The following MCM9 variants were observed in gnomAD, a reference collection of about 807,000 sequenced individuals.
MCM9 encodes the protein DNA helicase MCM9.
MCM9 carries 55 observed loss-of-function variants against 72.8 expected under a neutral mutation model. The ratio of observed to expected loss-of-function variants is 0.76; its 90% CI spans 0.61 to 0.95. The LOEUF (loss-of-function observed/expected upper bound fraction) is 0.95, where lower values mean the gene tolerates loss of function less well. Among genes scored for constraint, MCM9 ranks in the 40% least tolerant of loss-of-function variants. The pLI is 0.00. For synonymous variants in MCM9, 480 were observed against 503.4 expected, an observed-to-expected ratio of 0.95 and a Z score of 0.62; for missense variants, 1,279 against 1,377.0, an observed-to-expected ratio of 0.93 and a Z score of 1.13.
intron 8 of MCM9, chr6:118,907,616 C>T: frequency 6.2e-7 from 1 of 1,602,150 alleles, no homozygotes; most frequent in Non-Finnish European, 8.6e-7. Flanking sequence ...TGCATGTGAC[C>T]ACCTACCATC....
At chr6:118,926,325 T>C (rs1781891900) in intron 3 of MCM9, among the ~76,000 whole-genome samples, 1 of 152,228 alleles carries the variant, frequency 6.6e-6, no homozygotes, top group Admixed American at 6.5e-5. Context: ...AATACTAACA[T>C]TAGCCTACAG....
intron 9 of MCM9, among the ~76,000 whole-genome samples, chr6:118,843,265 A>T (rs1775517712): frequency 6.6e-6 from 1 of 151,954 alleles, no homozygotes; most frequent in South Asian, 2.1e-4. Context: ...GTTAAATGAG[A>T]CACTTAAGTG....
At chr6:118,849,415 AT>A (rs1345515240) in intron 9 of MCM9, among the ~76,000 whole-genome samples, 1 of 150,740 alleles carries the variant, frequency 6.6e-6, no homozygotes, top group Admixed American at 6.6e-5. Context: ...AAATAACATC[AT>A]TTATAAGGTA....
Position 118,847,572 on chromosome 6 carries a change from GA to G in MCM9, c.1325+8798del, listed in dbSNP as rs1347877702. Among the ~76,000 whole-genome samples, 3 of 149,690 alleles carry G rather than the reference GA, an allele frequency of 2.0e-5. No individual in the cohort carries two copies. In the East Asian group the frequency reaches 5.8e-4, roughly 29 times the overall value. On this transcript the variant is annotated intron_variant, in intron 9 of 13. Transcript: ENST00000619706. ...AATACAGATGAGCTAAGAAGTTTAA[GA>G]AAAAAAAATGGTTGCTGCAGAGCCT...
At position 118,868,657 on chromosome 6, in the gene MCM9, A is replaced by G. The variant is rs892709620; in HGVS notation, c.1151-12112T>C. 3.3e-5 allele frequency among the ~76,000 whole-genome samples: 5 copies of G among 152,254 alleles called. No homozygotes were observed. In the East Asian group the frequency reaches 9.6e-4, roughly 29 times the overall value. Reference sequence around the variant, plus strand: ...AGACATCTATGCAGCCAACAGATACATGAAAAAATGCTCATCATCACTGGT... The same window carrying G: ...AGACATCTATGCAGCCAACAGATACGTGAAAAAATGCTCATCATCACTGGT... On this transcript the variant is annotated intron_variant, in intron 8 of 13. Transcript: ENST00000619706.
chr6:118,919,091 G>C (rs1222578727), intron 5 of MCM9: 1 of 152,102 alleles, frequency 6.6e-6, no homozygotes, highest in African/African-American at 2.4e-5. Context: ...AATGATTGGG[G>C]GCAACTTTAC....
chr6:118,858,086 T>TA (rs1384561311), intron 8 of MCM9, among the ~76,000 whole-genome samples: 1 of 152,190 alleles, frequency 6.6e-6, no homozygotes, highest in Non-Finnish European at 1.5e-5. Context: ...TATAGACTAG[T>TA]ACCTCTAATA....
chr6:118,880,032 A>G (rs1383128663), intron 8 of MCM9, among the ~76,000 whole-genome samples: 1 of 150,976 alleles, frequency 6.6e-6, no homozygotes, highest in Non-Finnish European at 1.5e-5. Flanking sequence ...AGTGCACAAA[A>G]CAAACAAACA....
At chr6:118,888,161 G>A (rs1019273621) in intron 8 of MCM9, among the ~76,000 whole-genome samples, 2 of 152,070 alleles carry the variant, frequency 1.3e-5, no homozygotes, top group African/African-American at 2.4e-5. Context: ...TAGAATGCTG[G>A]TGGGAATGTA....
intron 8 of MCM9, among the ~76,000 whole-genome samples, chr6:118,887,560 G>A (rs1200942593): frequency 6.6e-6 from 1 of 151,982 alleles, no homozygotes; most frequent in African/African-American, 2.4e-5. Context: ...CATGACGCTG[G>A]ATTAGGCAAT....
At chr6:118,891,325 T>G (rs1004094422) in intron 8 of MCM9, among the ~76,000 whole-genome samples, 1 of 152,330 alleles carries the variant, frequency 6.6e-6, no homozygotes, top group South Asian at 2.1e-4. Flanking sequence ...TTCAGTAAGA[T>G]TAGATGCTCA....
chr6:118,905,886 G>A, intron 8 of MCM9: 1 of 1,319,998 alleles, frequency 7.6e-7, no homozygotes, highest in Non-Finnish European at 1.0e-6. Context: ...TAAAGCAGTT[G>A]CTATTGCAAT....
intron 13 of MCM9, among the ~76,000 whole-genome samples, chr6:118,818,023 T>C (rs1773523656): frequency 6.6e-6 from 1 of 152,232 alleles, no homozygotes; most frequent in African/African-American, 2.4e-5. Flanking sequence ...AGATTCTGGA[T>C]ATTAGCCCTT....
chr6:118,923,205 TAA>T (rs1220031461), intron 4 of MCM9, among the ~76,000 whole-genome samples: 1 of 152,034 alleles, frequency 6.6e-6, no homozygotes, highest in African/African-American at 2.4e-5. Flanking sequence ...TCTTACTTGT[TAA>T]AGAGTGTTTA....
At chr6:118,902,349 G>A (rs1779855136) in intron 8 of MCM9, among the ~76,000 whole-genome samples, 1 of 152,022 alleles carries the variant, frequency 6.6e-6, no homozygotes, top group Admixed American at 6.6e-5. Flanking sequence ...AGTATAATCA[G>A]TCACTCATAA....
At chr6:118,929,531 T>C (rs891648277) in intron 3 of MCM9, among the ~76,000 whole-genome samples, 1 of 152,210 alleles carries the variant, frequency 6.6e-6, no homozygotes, top group Non-Finnish European at 1.5e-5. Flanking sequence ...CTGAAACTGA[T>C]AGGGTCACTT....
chr6:118,876,433 A>G (rs959963033), intron 8 of MCM9, among the ~76,000 whole-genome samples: 6 of 152,222 alleles, frequency 3.9e-5, no homozygotes, highest in African/African-American at 9.6e-5. Context: ...TAATGAATGT[A>G]CCACTCTGAA....
intron 8 of MCM9, among the ~76,000 whole-genome samples, chr6:118,883,115 A>G (rs897298442): frequency 6.6e-6 from 1 of 151,752 alleles, no homozygotes; most frequent in Middle Eastern, 3.2e-3. Context: ...CTCAACAAAT[A>G]GAGAATATCA....
At chr6:118,878,478 T>C (rs1024042707) in intron 8 of MCM9, among the ~76,000 whole-genome samples, 31 of 152,168 alleles carry the variant, frequency 2.0e-4, no homozygotes, top group African/African-American at 7.5e-4. Flanking sequence ...TTTTATCTGA[T>C]TTAAAAGAAA....
Sources: gnomAD v4.1 joint callset for allele counts (sites outside exome capture counted in the v4.1 genomes callset) on GRCh38, gnomAD v4.1.1 for gene constraint, MANE v1.5 for transcripts, NCBI Gene and HGNC (gene_info 2026-07-23, HGNC 2026-07-21) for gene names.